SKIC3: variants seen among roughly 807,000 people sequenced by gnomAD.
The protein encoded by SKIC3 is superkiller complex protein 3.
chr5:95,492,652 G>GAAAAAA, the SKIC3 span, among the ~76,000 whole-genome samples: 66 of 48,824 alleles, frequency 1.4e-3, 5 homozygotes, highest in Non-Finnish European at 1.5e-3. Context: ...AAAAAAAAAA[G>GAAAAAA]AAAAAAAAAA....
the SKIC3 span, among the ~76,000 whole-genome samples, chr5:95,469,244 T>C: frequency 6.6e-6 from 1 of 152,228 alleles, no homozygotes; most frequent in Admixed American, 6.5e-5. Flanking sequence ...CAAATTTAAG[T>C]ACACTTCTTT....
the SKIC3 span, chr5:95,482,521 T>G: frequency 6.2e-7 from 1 of 1,614,034 alleles, no homozygotes. Context: ...TTTTTTGTAG[T>G]TCTTCAAGTA....
the SKIC3 span, among the ~76,000 whole-genome samples, chr5:95,547,351 C>A: frequency 1.9e-3 from 287 of 152,248 alleles, 1 homozygote; most frequent in African/African-American, 6.7e-3. Context: ...CTCAATGAAA[C>A]CTTCCTTTGA....
the SKIC3 span, among the ~76,000 whole-genome samples, chr5:95,490,057 C>T: frequency 3.3e-5 from 5 of 152,202 alleles, no homozygotes; most frequent in South Asian, 1.0e-3. Context: ...CAAAAGTAGG[C>T]TAATCTATTT....
chr5:95,547,211 CAACA>C, the SKIC3 span: 1 of 1,502,936 alleles, frequency 6.7e-7, no homozygotes, highest in East Asian at 2.3e-5. Context: ...GTAAATGTTC[CAACA>C]AACTTAGCCA....
the SKIC3 span, among the ~76,000 whole-genome samples, chr5:95,486,202 A>C: frequency 6.6e-6 from 1 of 152,300 alleles, no homozygotes; most frequent in African/African-American, 2.4e-5. Flanking sequence ...CTTGCCATGC[A>C]GCCCAACAGC....
At chr5:95,532,250 G>A in the SKIC3 span, among the ~76,000 whole-genome samples, 2 of 152,106 alleles carry the variant, frequency 1.3e-5, no homozygotes, top group African/African-American at 2.4e-5. Context: ...GTTGGTACAC[G>A]AAAATAGTTT....
chr5:95,473,990 C>A, the SKIC3 span, among the ~76,000 whole-genome samples: 1 of 151,990 alleles, frequency 6.6e-6, no homozygotes. Flanking sequence ...CCAAGGCCGA[C>A]GTCAAAAAAG....
chr5:95,502,857 G>C, the SKIC3 span: 2 of 1,611,478 alleles, frequency 1.2e-6, no homozygotes, highest in Admixed American at 3.3e-5. Flanking sequence ...GTCATGTTAA[G>C]TGTTGATGTC....
the SKIC3 span, among the ~76,000 whole-genome samples, chr5:95,510,145 T>C: frequency 6.6e-6 from 1 of 152,218 alleles, no homozygotes; most frequent in Non-Finnish European, 1.5e-5. Context: ...TTTGGTACTT[T>C]CGGTGCAGTA....
the SKIC3 span, among the ~76,000 whole-genome samples, chr5:95,500,149 T>C: frequency 6.6e-6 from 1 of 152,186 alleles, no homozygotes; most frequent in African/African-American, 2.4e-5. Context: ...TAAAAGGCGC[T>C]GGGATTCCTC....
At chr5:95,479,059 A>G in the SKIC3 span, among the ~76,000 whole-genome samples, 1 of 152,166 alleles carries the variant, frequency 6.6e-6, no homozygotes, top group African/African-American at 2.4e-5. Context: ...ATATGTAAAT[A>G]TTGGGAAGAA....
At chr5:95,537,037 A>G in the SKIC3 span, 6 of 1,612,902 alleles carry the variant, frequency 3.7e-6, no homozygotes, top group Admixed American at 1.7e-5. Flanking sequence ...TAAAAAATCA[A>G]CTTACTTTGG....
the SKIC3 span, among the ~76,000 whole-genome samples, chr5:95,533,589 A>C: frequency 1.3e-3 from 193 of 152,324 alleles, 3 homozygotes; most frequent in South Asian, 0.029. Context: ...GAAGGGAAAG[A>C]ACTCTTCCCT....
the SKIC3 span, among the ~76,000 whole-genome samples, chr5:95,499,673 A>C: frequency 6.6e-6 from 1 of 152,168 alleles, no homozygotes; most frequent in African/African-American, 2.4e-5. Flanking sequence ...AAAACTCTTC[A>C]ATTAAAATAT....
the SKIC3 span, among the ~76,000 whole-genome samples, chr5:95,483,968 A>G: frequency 6.6e-6 from 1 of 152,196 alleles, no homozygotes; most frequent in African/African-American, 2.4e-5. Context: ...TATAGCATTA[A>G]GAAGGAACCA....
chr5:95,532,430 T>C, the SKIC3 span, among the ~76,000 whole-genome samples: 1 of 152,112 alleles, frequency 6.6e-6, no homozygotes, highest in East Asian at 1.9e-4. Context: ...CAAGCGGCAC[T>C]GAGAGGAATT....
At chr5:95,523,450 C>T in the SKIC3 span, 3 of 1,203,446 alleles carry the variant, frequency 2.5e-6, no homozygotes, top group African/African-American at 1.6e-5. Context: ...CACTGGTATA[C>T]ATCAAATTAC....
the SKIC3 span, among the ~76,000 whole-genome samples, chr5:95,483,623 C>G: frequency 6.6e-6 from 1 of 152,156 alleles, no homozygotes; most frequent in African/African-American, 2.4e-5. Context: ...AAAATGTATA[C>G]TGATCTTTCC....
Sources: gnomAD v4.1 joint callset for allele counts (sites outside exome capture counted in the v4.1 genomes callset) on GRCh38, gnomAD v4.1.1 for gene constraint, MANE v1.5 for transcripts, NCBI Gene and HGNC (gene_info 2026-07-23, HGNC 2026-07-21) for gene names.